The following LAYN variants were observed in gnomAD, a reference collection of about 807,000 sequenced individuals.
The protein encoded by LAYN is layilin.
Under a neutral mutation model 43.6 loss-of-function variants are expected in LAYN, and 38 were observed. That is an observed-to-expected ratio of 0.87 (90% CI 0.67 to 1.14). LAYN has a LOEUF of 1.14. Ranked by LOEUF, LAYN falls within the 50% of genes most tolerant of loss-of-function variation. LAYN has a pLI of 0.00. For missense variants in LAYN, 479 were observed against 463.8 expected, an observed-to-expected ratio of 1.03 and a Z score of -0.30; for synonymous variants, 168 against 172.9, an observed-to-expected ratio of 0.97 and a Z score of 0.22.
At chr11:111,541,091 G>T (rs989549136) in intron 1 of LAYN, among the ~76,000 whole-genome samples, 163 bp downstream of exon 1, 3 of 152,254 alleles carry the variant, frequency 2.0e-5, no homozygotes, top group African/African-American at 7.2e-5. Flanking sequence ...GGGGGCAGTC[G>T]CACGGCGTCT....
At chr11:111,545,074 A>ATATATATATATT (rs1170875315) in intron 2 of LAYN, among the ~76,000 whole-genome samples, 7 of 148,390 alleles carry the variant, frequency 4.7e-5, no homozygotes, top group African/African-American at 1.5e-4. Context: ...ATATATATAT[A>ATATATATATATT]TTTTTTACCT....
intron 2 of LAYN, among the ~76,000 whole-genome samples, chr11:111,548,814 C>T (rs951100992): frequency 1.3e-5 from 2 of 152,158 alleles, no homozygotes; most frequent in African/African-American, 4.8e-5. Flanking sequence ...AAAGCCCAGC[C>T]CTGAGTCAGC....
At chr11:111,540,952 G>T (rs1191764906) in intron 1 of LAYN, 24 bp downstream of exon 1, 8 of 1,526,336 alleles carry the variant, frequency 5.2e-6, no homozygotes, top group Non-Finnish European at 7.0e-6. Flanking sequence ...CTGGGGCGGG[G>T]GCTGGTGCCG....
intron 3 of LAYN, 64 bp downstream of exon 3, chr11:111,549,839 G>C: frequency 6.6e-7 from 1 of 1,510,490 alleles, no homozygotes; most frequent in East Asian, 2.5e-5. Context: ...ATGAGCTGCT[G>C]CTAGTACCAA....
intron 2 of LAYN, among the ~76,000 whole-genome samples, chr11:111,546,331 C>T (rs1867648156): frequency 6.6e-6 from 1 of 152,176 alleles, no homozygotes; most frequent in Admixed American, 6.5e-5. Context: ...ATTTACCTTA[C>T]CCCTAGTTCT....
upstream of LAYN, chr11:111,540,632 G>GCCAGCCAGCGGGGCTGC: frequency 2.0e-6 from 1 of 512,388 alleles, no homozygotes; most frequent in Non-Finnish European, 3.4e-6. Flanking sequence ...TCGGGGGCGG[G>GCCAGCCAGCGGGGCTGC]CCAGCCAGCG....
chr11:111,557,754 T>C (rs113099392), intron 6 of LAYN, 111 bp downstream of exon 6: 2 of 878,298 alleles, frequency 2.3e-6, no homozygotes, highest in South Asian at 1.4e-5. Context: ...AGTATCACCA[T>C]TGCAGATTGG....
intron 4 of LAYN, 52 bp downstream of exon 4, chr11:111,554,645 C>G: frequency 2.7e-6 from 4 of 1,460,862 alleles, no homozygotes; most frequent in Non-Finnish European, 3.8e-6. Context: ...CATAGCCCCT[C>G]TTCACAGGTT....
chr11:111,543,085 G>C (rs994807751), intron 1 of LAYN, among the ~76,000 whole-genome samples: 2 of 152,166 alleles, frequency 1.3e-5, no homozygotes, highest in African/African-American at 4.8e-5. Context: ...AGCCTGGGGT[G>C]CAGCGGGGAG....
At chr11:111,541,000 T>A in intron 1 of LAYN, 72 bp downstream of exon 1, 1 of 1,402,708 alleles carries the variant, frequency 7.1e-7, no homozygotes, top group Non-Finnish European at 9.6e-7. Context: ...GCTGACCCTC[T>A]TCTGGGTCGC....
upstream of LAYN, chr11:111,540,535 G>A (rs1867508889): frequency 2.2e-6 from 1 of 445,014 alleles, no homozygotes; most frequent in Admixed American, 4.6e-5. Flanking sequence ...GGGAAGCTCG[G>A]AGGGGGACAG....
chr11:111,549,920 A>G (rs1303807002), intron 3 of LAYN, 145 bp downstream of exon 3: 10 of 815,414 alleles, frequency 1.2e-5, no homozygotes, highest in Non-Finnish European at 3.8e-6. Flanking sequence ...GAATTCTTGT[A>G]AAGGGCAATG....
intron 6 of LAYN, among the ~76,000 whole-genome samples, chr11:111,559,028 C>T (rs1396305645): frequency 2.0e-5 from 3 of 151,910 alleles, no homozygotes; most frequent in East Asian, 1.9e-4. Context: ...TCAGGTGATC[C>T]GCCCACCTCA....
chr11:111,551,753 C>T (rs770089414), intron 3 of LAYN, among the ~76,000 whole-genome samples: 13 of 152,104 alleles, frequency 8.5e-5, no homozygotes, highest in Non-Finnish European at 1.3e-4. Context: ...AACCAGTGAT[C>T]CTGGGTTGGA....
rs869131503 is a variant in LAYN, at chr11:111,545,074, A to ATT, written c.383+859_383+860dup. Among the ~76,000 whole-genome samples the ATT allele has an allele frequency of 1.9e-3, 276 of 148,446 alleles. 1 individual carries two copies. Among genetic ancestry groups the ATT allele is most frequent in the African/African-American group, 6.5e-3 (257 of 39,708 alleles). On this transcript the variant is annotated intron_variant, in intron 2 of 6. Coordinates refer to ENST00000375614, the MANE Select transcript of LAYN (RefSeq NM_178834.5). ...TTAACAAATATATATATATATATATATTTTTTACCTATTACATTTAAGGCA... is the reference window on the plus strand; with the variant it reads ...TTAACAAATATATATATATATATATATTTTTTTTACCTATTACATTTAAGGCA...
chr11:111,557,733 G>A (rs747743921), intron 6 of LAYN, 90 bp downstream of exon 6: 37 of 1,048,324 alleles, frequency 3.5e-5, no homozygotes, highest in Non-Finnish European at 5.4e-5. Flanking sequence ...AAAACCCACG[G>A]CAGCACCAAG....
chr11:111,541,306 C>G, intron 1 of LAYN: 1 of 603,712 alleles, frequency 1.7e-6, no homozygotes, highest in Non-Finnish European at 2.9e-6. Context: ...GCGGGGCAGG[C>G]TTGCCAGCTG....
chr11:111,549,485 A>G (rs1043203854), intron 2 of LAYN, 133 bp from the exon 3 acceptor site: 20 of 669,164 alleles, frequency 3.0e-5, no homozygotes, highest in African/African-American at 5.7e-5. Context: ...TTCAATTCCT[A>G]CCTCTCTCTG....
intron 2 of LAYN, among the ~76,000 whole-genome samples, chr11:111,548,341 T>G (rs977003329): frequency 2.0e-5 from 3 of 152,164 alleles, no homozygotes; most frequent in Admixed American, 2.0e-4. Context: ...TCTCTATCAG[T>G]GAGTTCTGGG....
Sources: gnomAD v4.1 joint callset for allele counts (sites outside exome capture counted in the v4.1 genomes callset) on GRCh38, gnomAD v4.1.1 for gene constraint, MANE v1.5 for transcripts, NCBI Gene and HGNC (gene_info 2026-07-23, HGNC 2026-07-21) for gene names.